The following ERGIC2 variants were observed in gnomAD, a reference collection of about 807,000 sequenced individuals.
ERGIC2 encodes endoplasmic reticulum-Golgi intermediate compartment protein 2.
A neutral mutation model predicts 52.5 loss-of-function variants in ERGIC2; 31 were observed. The ratio of observed to expected loss-of-function variants is 0.59; its 90% CI spans 0.44 to 0.80. ERGIC2 has a LOEUF of 0.80. Among genes scored for constraint, ERGIC2 ranks in the 30% least tolerant of loss-of-function variants. ERGIC2 has a pLI of 0.00. For missense variants in ERGIC2, 395 were observed against 455.2 expected (o/e 0.87, Z 1.20); for synonymous variants, 129 against 140.6 (o/e 0.92, Z 0.58).
At chr12:29,369,642 C>T (rs575066964) in intron 3 of ERGIC2, among the ~76,000 whole-genome samples, 5 of 151,816 alleles carry the variant, frequency 3.3e-5, no homozygotes, top group Admixed American at 2.0e-4. Flanking sequence ...ATAATACAAA[C>T]GAATAGATGT....
Position 29,361,663 on chromosome 12 carries a change from TG to T in ERGIC2, c.355del (p.Gln119SerfsTer11). The T allele has an allele frequency of 6.2e-7, 1 of 1,606,280 alleles. No homozygotes were observed. Among genetic ancestry groups the T allele is most frequent in the Non-Finnish European group, 8.5e-7 (1 of 1,176,240 alleles). ...YEPTVFDLSP[Q>X]QKEWQRMLQL... ...TTATTACCTCTGCCACTCTTTCTGC[TG>T]TGGTGAAAGATCAAATACTGTCTGA... On this transcript the variant is annotated frameshift_variant, in exon 6 of 14. Coordinates refer to ENST00000360150, the MANE Select transcript of ERGIC2 (RefSeq NM_016570.3). LOFTEE classifies it high-confidence loss of function.
At chr12:29,349,683 C>A (rs1268021321) in intron 9 of ERGIC2, among the ~76,000 whole-genome samples, 2 of 151,982 alleles carry the variant, frequency 1.3e-5, no homozygotes, top group African/African-American at 4.8e-5. Flanking sequence ...ACCAAACTAA[C>A]CTGAATACTT....
At chr12:29,353,083 A>C (rs904795923) in intron 8 of ERGIC2, among the ~76,000 whole-genome samples, 1 of 152,208 alleles carries the variant, frequency 6.6e-6, no homozygotes, top group African/African-American at 2.4e-5. Context: ...AACATTGTTT[A>C]ATTTGTTCTA....
chr12:29,371,944 A>C (rs975227175), intron 1 of ERGIC2, among the ~76,000 whole-genome samples: 2 of 152,212 alleles, frequency 1.3e-5, no homozygotes, highest in Non-Finnish European at 2.9e-5. Context: ...TCTAAATATA[A>C]AAATTAAGAT....
At chr12:29,357,261 C>T (rs768416969) in intron 7 of ERGIC2, among the ~76,000 whole-genome samples, 27 of 152,058 alleles carry the variant, frequency 1.8e-4, no homozygotes, top group Admixed American at 8.5e-4. Context: ...TGAGCCACTG[C>T]GCCCAGCCTC....
In ERGIC2 at chr12:29,341,770, A is replaced by G; in HGVS notation, c.1035T>C (p.Cys345=). The G allele has an allele frequency of 6.2e-7, 1 of 1,602,646 alleles. No homozygotes were observed. Among genetic ancestry groups the G allele is most frequent in the Non-Finnish European group, 8.6e-7 (1 of 1,169,582 alleles). Residue 345 remains cysteine, a synonymous_variant, in exon 13 of 14, where the codon TGT becomes TGC. Coordinates refer to ENST00000360150, the MANE Select transcript of ERGIC2 (RefSeq NM_016570.3). ...GTTTATAGGATCCAAGTCTGAAACG[A>G]CAGCAAATTATTTCAACTATAAATT... ...IGKFIVEIIC[C]RFRLGSYKPV...
chr12:29,341,867 TAAGA>T, intron 12 of ERGIC2, 51 bp from the exon 13 acceptor site: 7 of 880,240 alleles, frequency 8.0e-6, no homozygotes, highest in Non-Finnish European at 9.5e-6. Flanking sequence ...AACTGTTATT[TAAGA>T]ATAAATAACT....
intron 12 of ERGIC2, 135 bp downstream of exon 12, chr12:29,342,985 A>G (rs900618017): frequency 6.6e-6 from 4 of 606,938 alleles, no homozygotes; most frequent in Non-Finnish European, 1.1e-5. Flanking sequence ...ATAATTTTGG[A>G]GTTTTGTAAT....
chr12:29,350,397 C>T (rs1162347028), intron 8 of ERGIC2, among the ~76,000 whole-genome samples: 3 of 151,576 alleles, frequency 2.0e-5, no homozygotes, highest in Admixed American at 6.6e-5. Context: ...GTAATGAGTC[C>T]TTTTTTTTGT....
chr12:29,347,155 G>A (rs1591988498), intron 10 of ERGIC2, among the ~76,000 whole-genome samples: 1 of 152,152 alleles, frequency 6.6e-6, no homozygotes, highest in Admixed American at 6.5e-5. Context: ...ACTCATGGAA[G>A]GAATGATTCA....
At chr12:29,372,072 G>A (rs1003524524) in intron 1 of ERGIC2, among the ~76,000 whole-genome samples, 1 of 152,104 alleles carries the variant, frequency 6.6e-6, no homozygotes, top group Non-Finnish European at 1.5e-5. Flanking sequence ...AGGCACGGTC[G>A]CTCACGCCTG....
chr12:29,361,311 G>A (rs367770509), intron 6 of ERGIC2, among the ~76,000 whole-genome samples: 22 of 152,074 alleles, frequency 1.4e-4, no homozygotes, highest in Admixed American at 1.0e-3. Context: ...CTGTGGGGCC[G>A]CAGTCTGGAC....
At chr12:29,373,741 G>T (rs1181355504) in intron 1 of ERGIC2, among the ~76,000 whole-genome samples, 2 of 152,056 alleles carry the variant, frequency 1.3e-5, no homozygotes, top group East Asian at 1.9e-4. Context: ...TTCGAATTAT[G>T]ATTTTTTTCC....
At chr12:29,371,430 G>A in intron 2 of ERGIC2, 98 bp downstream of exon 2, 1 of 752,478 alleles carries the variant, frequency 1.3e-6, no homozygotes, top group Non-Finnish European at 2.1e-6. Flanking sequence ...AGAATTCATT[G>A]ATAAATTCTT....
intron 1 of ERGIC2, among the ~76,000 whole-genome samples, chr12:29,374,807 A>G (rs1458730125): frequency 6.6e-6 from 1 of 152,094 alleles, no homozygotes; most frequent in Non-Finnish European, 1.5e-5. Context: ...ACAATCTATC[A>G]CTACATTGCT....
chr12:29,341,545 T>C (rs1272934435), intron 13 of ERGIC2, among the ~76,000 whole-genome samples, 189 bp downstream of exon 13: 1 of 152,100 alleles, frequency 6.6e-6, no homozygotes, highest in African/African-American at 2.4e-5. Context: ...TAATTTTTTC[T>C]ATCTTTTGTA....
At position 29,350,073 on chromosome 12, in the gene ERGIC2, A is replaced by G; in HGVS notation, c.573-5T>C. 1 of 1,585,404 alleles carries G rather than the reference A, an allele frequency of 6.3e-7. No individual in the cohort carries two copies. The highest frequency in any genetic ancestry group is 8.7e-7 in the Non-Finnish European group (1 of 1,155,822). ...CCACGAGGATGTGGAATTGCCCTGAAAGGAGAAAAAACAATTATTAAAGTA... is the reference window on the plus strand; with the variant it reads ...CCACGAGGATGTGGAATTGCCCTGAGAGGAGAAAAAACAATTATTAAAGTA... On this transcript the variant is annotated splice_region_variant and splice_polypyrimidine_tract_variant and intron_variant, in intron 8 of 13. Transcript: ENST00000360150.
intron 2 of ERGIC2, among the ~76,000 whole-genome samples, chr12:29,370,457 C>T (rs1201158486): frequency 1.3e-5 from 2 of 151,818 alleles, no homozygotes; most frequent in African/African-American, 4.8e-5. Context: ...ACTTGCATTA[C>T]TAAGAAAGCA....
At chr12:29,345,322 C>T in intron 11 of ERGIC2, 121 bp downstream of exon 11, 7 of 636,292 alleles carry the variant, frequency 1.1e-5, no homozygotes, top group Admixed American at 2.6e-5. Flanking sequence ...TCAAAACTTC[C>T]ACAGATTTTT....
Sources: allele counts gnomAD v4.1 joint callset (sites outside exome capture counted in the v4.1 genomes callset), GRCh38; gene constraint gnomAD v4.1.1; transcripts MANE v1.5; gene names NCBI Gene and HGNC (gene_info 2026-07-23, HGNC 2026-07-21).